Variants in TTC39C observed in about 807,000 individuals in gnomAD.
The protein encoded by TTC39C is tetratricopeptide repeat protein 39C.
A neutral mutation model predicts 76.3 loss-of-function variants in TTC39C; 33 were observed. The observed-to-expected ratio is 0.43, with a 90% confidence interval of 0.33 to 0.58. TTC39C has a LOEUF of 0.58. Among genes scored for constraint, TTC39C ranks in the 20% least tolerant of loss-of-function variants. The pLI, the probability that TTC39C is intolerant of heterozygous loss-of-function variation, is 0.04. For synonymous variants in TTC39C, 254 were observed against 260.6 expected (o/e 0.97, Z 0.24); for missense variants, 595 against 701.4 (o/e 0.85, Z 1.71).
chr18:24,067,342 C>T (rs1469729042), intron 3 of TTC39C, among the ~76,000 whole-genome samples: 1 of 152,198 alleles, frequency 6.6e-6, no homozygotes, highest in Non-Finnish European at 1.5e-5. Context: ...CAGACACTAT[C>T]CCACTTGTCT....
At chr18:24,038,848 G>C (rs1056624034) in intron 1 of TTC39C, among the ~76,000 whole-genome samples, 4 of 152,134 alleles carry the variant, frequency 2.6e-5, no homozygotes, top group Non-Finnish European at 5.9e-5. Context: ...GAGTGTGAGG[G>C]GCACATATGA....
intron 1 of TTC39C, among the ~76,000 whole-genome samples, chr18:24,046,037 C>T (rs1182609116): frequency 7.1e-6 from 1 of 141,834 alleles, no homozygotes; most frequent in Non-Finnish European, 1.5e-5. Context: ...CTCCTGGGTT[C>T]ACGCCATTCT....
chr18:24,101,497 C>A (rs1418802364), intron 6 of TTC39C, among the ~76,000 whole-genome samples: 1 of 151,408 alleles, frequency 6.6e-6, no homozygotes, highest in Non-Finnish European at 1.5e-5. Flanking sequence ...AGGTGGAGGT[C>A]GCAGTGAGTC....
At chr18:23,996,771 G>A (rs1328612677) in intron 1 of TTC39C, among the ~76,000 whole-genome samples, 1 of 152,162 alleles carries the variant, frequency 6.6e-6, no homozygotes, top group Non-Finnish European at 1.5e-5. Context: ...AGGAAGACTG[G>A]GGACCCAATC....
rs561061063 is a variant in TTC39C at position 24,135,339 on chromosome 18, A to C, written c.*2765A>C. 3.3e-5 allele frequency: 5 copies of C among 152,430 alleles called. No homozygotes were observed. In the East Asian group the frequency reaches 9.7e-4, roughly 29 times the overall value. The allele number at this position is 152,430 out of a possible 1,614,324, so 9.4% of individuals were successfully genotyped here. A position where few individuals can be genotyped will look rare whatever the true frequency, so the allele number is the denominator to read the frequency against. On this transcript the variant is annotated 3_prime_UTR_variant, in exon 14 of 14. Transcript: ENST00000317571. ...AGAGTCTATCCTAGGCTTGGTACAG[A>C]TGGCGCCTGTGGTAAATCTGTGTTA...
intron 10 of TTC39C, among the ~76,000 whole-genome samples, chr18:24,127,113 G>GTC (rs1260783509): frequency 3.3e-5 from 5 of 152,188 alleles, no homozygotes; most frequent in African/African-American, 1.2e-4. Context: ...GCCTGGAAGG[G>GTC]AAGACAGACA....
intron 6 of TTC39C, among the ~76,000 whole-genome samples, chr18:24,098,739 C>T (rs1345212490): frequency 6.6e-6 from 1 of 151,806 alleles, no homozygotes; most frequent in East Asian, 1.9e-4. Flanking sequence ...TCAAGCAATT[C>T]TCCTGCCTCA....
At chr18:24,116,264 C>T (rs568559234) in intron 7 of TTC39C, among the ~76,000 whole-genome samples, 10 of 152,318 alleles carry the variant, frequency 6.6e-5, no homozygotes, top group South Asian at 2.1e-4. Context: ...CAGCCCAGGC[C>T]GGGCACGGTG....
At chr18:24,025,796 T>A (rs1038575421) in intron 1 of TTC39C, among the ~76,000 whole-genome samples, 6 of 152,152 alleles carry the variant, frequency 3.9e-5, no homozygotes, top group African/African-American at 1.4e-4. Context: ...CCTAGCCTGC[T>A]TAGAACAGCA....
chr18:23,998,956 A>G (rs986444283), intron 1 of TTC39C, among the ~76,000 whole-genome samples: 10 of 145,256 alleles, frequency 6.9e-5, no homozygotes, highest in Non-Finnish European at 1.5e-4. Flanking sequence ...CCATTTACAC[A>G]GCTGCCAGGT....
intron 6 of TTC39C, among the ~76,000 whole-genome samples, chr18:24,106,903 T>G (rs1265116586): frequency 6.6e-6 from 1 of 152,178 alleles, no homozygotes; most frequent in East Asian, 1.9e-4. Flanking sequence ...CAGGCTGGTC[T>G]CAAACTCCTG....
At chr18:24,013,298 A>G (rs2083408157), upstream of TTC39C, among the ~76,000 whole-genome samples, 1 of 152,214 alleles carries the variant, frequency 6.6e-6, no homozygotes, top group Admixed American at 6.5e-5. Context: ...AAGAATTAGC[A>G]TGGCTTTGCA....
At chr18:24,101,405 G>C (rs1480683758) in intron 6 of TTC39C, among the ~76,000 whole-genome samples, 1 of 151,580 alleles carries the variant, frequency 6.6e-6, no homozygotes, top group African/African-American at 2.4e-5. Context: ...TCAAGAGATC[G>C]AGACCATCCT....
chr18:24,106,844 C>G (rs2084750216), intron 6 of TTC39C, among the ~76,000 whole-genome samples: 1 of 152,174 alleles, frequency 6.6e-6, no homozygotes, highest in Non-Finnish European at 1.5e-5. Flanking sequence ...GCCACCATGC[C>G]TGGCTAATTT....
intron 6 of TTC39C, among the ~76,000 whole-genome samples, chr18:24,083,720 A>G (rs77737549): frequency 0.016 from 2,395 of 151,774 alleles, 55 homozygotes; most frequent in East Asian, 0.11. Flanking sequence ...GGGTTGTCTC[A>G]CTCCAGAACC....
intron 6 of TTC39C, among the ~76,000 whole-genome samples, chr18:24,089,277 G>T (rs976890650): frequency 1.3e-5 from 2 of 152,200 alleles, no homozygotes; most frequent in Non-Finnish European, 1.5e-5. Flanking sequence ...CCTGCCTCTT[G>T]TATTTGGAAC....
At chr18:24,123,160 G>T (rs1161512452) in intron 8 of TTC39C, among the ~76,000 whole-genome samples, 1 of 152,118 alleles carries the variant, frequency 6.6e-6, no homozygotes, top group Non-Finnish European at 1.5e-5. Flanking sequence ...GCTCTTCATT[G>T]TTCTTTCCTG....
At chr18:24,109,992 C>A (rs932551650) in intron 6 of TTC39C, among the ~76,000 whole-genome samples, 1 of 152,104 alleles carries the variant, frequency 6.6e-6, no homozygotes, top group African/African-American at 2.4e-5. Context: ...GCCTGCACAA[C>A]AGAGTAAGAC....
intron 6 of TTC39C, among the ~76,000 whole-genome samples, chr18:24,103,732 C>T (rs2084708384): frequency 6.6e-6 from 1 of 151,354 alleles, no homozygotes; most frequent in South Asian, 2.1e-4. Context: ...GCCCCAGTCC[C>T]AGCCAACACT....
Sources: gnomAD v4.1 joint callset for allele counts (sites outside exome capture counted in the v4.1 genomes callset) on GRCh38, gnomAD v4.1.1 for gene constraint, MANE v1.5 for transcripts, NCBI Gene and HGNC (gene_info 2026-07-23, HGNC 2026-07-21) for gene names.